Variants in NELL2 observed in about 807,000 individuals in gnomAD.
NELL2 encodes protein kinase C-binding protein NELL2.
Under a neutral mutation model 109.6 loss-of-function variants are expected in NELL2, and 41 were observed. The observed-to-expected ratio is 0.37, with a 90% CI of 0.29 to 0.49. The LOEUF is 0.49. Among genes scored for constraint, NELL2 ranks in the 20% least tolerant of loss-of-function variants. The pLI is 0.98. For synonymous variants in NELL2, 355 were observed against 344.7 expected, an observed-to-expected ratio of 1.03 and a Z score of -0.33; for missense variants, 900 against 1,008.3, an observed-to-expected ratio of 0.89 and a Z score of 1.45.
chr12:44,674,809 A>G (rs1323077370), intron 12 of NELL2, among the ~76,000 whole-genome samples: 1 of 152,176 alleles, frequency 6.6e-6, no homozygotes, highest in Non-Finnish European at 1.5e-5. Context: ...AGTGGTTACT[A>G]ATCTTAAGTA....
chr12:44,513,162 G>A (rs1941077303), intron 19 of NELL2, among the ~76,000 whole-genome samples: 1 of 151,870 alleles, frequency 6.6e-6, no homozygotes, highest in Non-Finnish European at 1.5e-5. Flanking sequence ...GCCATGATTA[G>A]GTGTAAAACA....
At chr12:44,554,187 G>C (rs991349528) in intron 15 of NELL2, among the ~76,000 whole-genome samples, 36 of 152,258 alleles carry the variant, frequency 2.4e-4, no homozygotes, top group African/African-American at 7.9e-4. Context: ...TTGCACATTT[G>C]AAAACTTTGA....
chr12:44,743,020 T>C (rs1025238441), intron 9 of NELL2, among the ~76,000 whole-genome samples: 1 of 151,386 alleles, frequency 6.6e-6, no homozygotes, highest in Non-Finnish European at 1.5e-5. Flanking sequence ...AAAGTTGAAA[T>C]GAAGGAAAAA....
At chr12:44,909,730 CACACAG>C (rs1945757848) in intron 1 of NELL2, among the ~76,000 whole-genome samples, 1 of 146,240 alleles carries the variant, frequency 6.8e-6, no homozygotes, top group Admixed American at 6.8e-5. Context: ...GTTTTGGTGA[CACACAG>C]ACACAGACAC....
intron 19 of NELL2, among the ~76,000 whole-genome samples, chr12:44,516,032 T>TA (rs1048890104): frequency 4.6e-5 from 7 of 151,954 alleles, no homozygotes; most frequent in Admixed American, 4.6e-4. Flanking sequence ...TACTTTTTTT[T>TA]ATTATACTTT....
rs1946801949 is a variant in NELL2, at chr12:44,640,225, C to T, written c.1444+25259G>A. On this transcript the variant is annotated intron_variant, in intron 13 of 19. Transcript: ENST00000429094. Reference sequence around the variant, plus strand: ...TCATCATTACAATTTAAATTTATTGCACACTTGCTATGCACCAGGAACTAT... The same window carrying T: ...TCATCATTACAATTTAAATTTATTGTACACTTGCTATGCACCAGGAACTAT... Among the ~76,000 whole-genome samples the T allele has an allele frequency of 2.0e-5, 3 of 152,274 alleles. No individual in the cohort carries two copies. In the South Asian group the frequency reaches 6.2e-4, roughly 32 times the overall value.
intron 18 of NELL2, 34 bp from the exon 19 acceptor site, chr12:44,520,263 A>G: frequency 3.2e-6 from 5 of 1,554,836 alleles, no homozygotes; most frequent in Non-Finnish European, 4.4e-6. Flanking sequence ...GGGCAGAGGG[A>G]GAGGGAGGAG....
chr12:44,701,112 AGGTGT>A (rs1949214372), intron 12 of NELL2, among the ~76,000 whole-genome samples: 1 of 152,152 alleles, frequency 6.6e-6, no homozygotes, highest in African/African-American at 2.4e-5. Flanking sequence ...ATGTTTAAAA[AGGTGT>A]TCCTTCTAAG....
chr12:44,815,898 G>C lies in NELL2; in HGVS notation c.335+88C>G. 3 of 1,434,348 alleles carry C rather than the reference G, an allele frequency of 2.1e-6. No homozygotes were observed. In the South Asian group the frequency reaches 4.0e-5, roughly 19 times the overall value. The allele number at this position is 1,434,348 out of a possible 1,614,324, so 88.9% of individuals were successfully genotyped here. ...TCCCAAATCATAAAGAGATATACAA[G>C]AGAAGAAAGCTTTTGTTTACTTCTC... On this transcript the variant is annotated intron_variant, in intron 3 of 19. Transcript: ENST00000429094.
chr12:44,601,291 A>T (rs950977709), intron 15 of NELL2, among the ~76,000 whole-genome samples: 7 of 152,154 alleles, frequency 4.6e-5, no homozygotes, highest in Non-Finnish European at 8.8e-5. Flanking sequence ...AGAGTGAGTT[A>T]GATTTTTTCC....
chr12:44,844,577 T>C (rs901107573), intron 2 of NELL2, among the ~76,000 whole-genome samples: 2 of 152,132 alleles, frequency 1.3e-5, no homozygotes, highest in Non-Finnish European at 2.9e-5. Flanking sequence ...TGCACAAACA[T>C]GCTCGAATTT....
chr12:44,791,065 G>GTA (rs201689169), intron 3 of NELL2, among the ~76,000 whole-genome samples: 14,253 of 43,016 alleles, frequency 0.33, 2,781 homozygotes, highest in East Asian at 0.55. Context: ...GAAAGTTCAA[G>GTA]TATATATATA....
At chr12:44,539,699 C>T (rs1304026750) in intron 15 of NELL2, among the ~76,000 whole-genome samples, 2 of 151,994 alleles carry the variant, frequency 1.3e-5, no homozygotes, top group Non-Finnish European at 2.9e-5. Context: ...CTTCATATCA[C>T]AGTAGTTTGA....
upstream of NELL2, among the ~76,000 whole-genome samples, chr12:44,880,613 T>C (rs1296185215): frequency 6.6e-6 from 1 of 151,972 alleles, no homozygotes; most frequent in African/African-American, 2.4e-5. Context: ...TTTAAACAAA[T>C]AACATTTAAA....
intron 16 of NELL2, 50 bp downstream of exon 16, chr12:44,532,531 C>G (rs373423354): frequency 3.9e-5 from 61 of 1,576,368 alleles, no homozygotes; most frequent in Non-Finnish European, 4.3e-6. Flanking sequence ...TGATATATTC[C>G]TCAAGTTCAA....
chr12:44,607,201 G>T lies in NELL2; in HGVS notation c.1631C>A (p.Pro544Gln). ...ACAGCTGGGTCCAGTGAAGCCTTGT[G>T]GGCAGGCACACACATTAGCGGCAAT... ...ACIAANVCAC[P>Q]QGFTGPSCET... The change falls in exon 15 of 20, where the codon CCA (proline) becomes CAA (glutamine). Residue 544 changes from proline to glutamine, a missense_variant. By Grantham distance (76) the Pro-to-Gln change is moderately conservative. Around this residue, in one of 4 missense-constraint regions of NELL2, gnomAD observed 333 missense variants for 432.3 expected, o/e 0.77. Coordinates refer to ENST00000429094, the MANE Select transcript of NELL2 (RefSeq NM_001145108.2). 1.2e-6 allele frequency: 2 copies of T among 1,612,540 alleles called. No homozygotes were observed. The highest frequency in any genetic ancestry group is 1.7e-6 in the Non-Finnish European group (2 of 1,179,090).
chr12:44,868,828 GACT>G (rs954038534), intron 2 of NELL2, among the ~76,000 whole-genome samples: 2 of 152,034 alleles, frequency 1.3e-5, no homozygotes, highest in African/African-American at 4.8e-5. Context: ...ACAACATAAT[GACT>G]ATAGTAATAA....
chr12:44,800,208 C>T (rs1228266285), intron 3 of NELL2, among the ~76,000 whole-genome samples: 1 of 152,048 alleles, frequency 6.6e-6, no homozygotes, highest in Non-Finnish European at 1.5e-5. Flanking sequence ...TTTGGATACT[C>T]AAGTCAATCT....
chr12:44,572,693 G>A (rs1943919541), intron 15 of NELL2, among the ~76,000 whole-genome samples: 1 of 151,986 alleles, frequency 6.6e-6, no homozygotes, highest in East Asian at 1.9e-4. Flanking sequence ...TAGTTTAGAC[G>A]GTAGAATGAA....
Sources: allele counts gnomAD v4.1 joint callset (sites outside exome capture counted in the v4.1 genomes callset), GRCh38; gene constraint gnomAD v4.1.1; regional missense constraint gnomAD v4.1.1; transcripts MANE v1.5; gene names NCBI Gene and HGNC (gene_info 2026-07-23, HGNC 2026-07-21).